The following SMIM31 variants were observed in gnomAD, a reference collection of about 807,000 sequenced individuals.
SMIM31 encodes the protein small integral membrane protein 31.
At position 164,791,996 on chromosome 4, in the gene SMIM31, G is replaced by A. The variant is rs547543429; in HGVS notation, c.113-9095G>A. On this transcript the variant is annotated intron_variant, in intron 2 of 2. Coordinates refer to ENST00000507311, the MANE Select transcript of SMIM31 (RefSeq NM_001352885.1). Reference sequence around the variant, plus strand: ...TATTGTCAGCTGCACAAGATTTTCTGGGCAAGCTGATGCTTTAGATCCTTG... The same window carrying A: ...TATTGTCAGCTGCACAAGATTTTCTAGGCAAGCTGATGCTTTAGATCCTTG... Among the ~76,000 whole-genome samples the A allele has an allele frequency of 2.9e-4, 44 of 152,282 alleles. 1 individual carries two copies. The South Asian group carries it at 8.7e-3, about 30-fold the overall frequency.
At chr4:164,768,426 T>C (rs1357531940) in intron 1 of SMIM31, among the ~76,000 whole-genome samples, 1 of 32,922 alleles carries the variant, frequency 3.0e-5, no homozygotes, top group Non-Finnish European at 8.5e-5. Context: ...ACAGTACATC[T>C]CAAAAAAAAA....
chr4:164,792,830 A>G (rs1733120672), intron 2 of SMIM31, among the ~76,000 whole-genome samples: 1 of 152,002 alleles, frequency 6.6e-6, no homozygotes, highest in Admixed American at 6.6e-5. Flanking sequence ...TTGAAAAATA[A>G]GAGCAAAGTT....
At chr4:164,755,085 C>T (rs988867230) in intron 1 of SMIM31, among the ~76,000 whole-genome samples, 1 of 86,708 alleles carries the variant, frequency 1.2e-5, no homozygotes, top group Non-Finnish European at 2.4e-5. Flanking sequence ...GAAATTATTT[C>T]TTGCTTTCAC....
chr4:164,790,215 TAA>T (rs1017306746), intron 2 of SMIM31, among the ~76,000 whole-genome samples: 1 of 152,090 alleles, frequency 6.6e-6, no homozygotes, highest in African/African-American at 2.4e-5. Flanking sequence ...CTATGATGAC[TAA>T]AACACCTAAA....
At chr4:164,787,903 C>T (rs867753403) in intron 2 of SMIM31, among the ~76,000 whole-genome samples, 15 of 152,202 alleles carry the variant, frequency 9.9e-5, no homozygotes, top group South Asian at 2.1e-4. Flanking sequence ...TGGCAATCTA[C>T]TTATATATAG....
At chr4:164,769,700 C>T (rs750264544) in intron 1 of SMIM31, among the ~76,000 whole-genome samples, 6 of 148,732 alleles carry the variant, frequency 4.0e-5, no homozygotes, top group African/African-American at 2.5e-5. Flanking sequence ...ACATACGTAA[C>T]AAACCTGCAC....
intron 2 of SMIM31, among the ~76,000 whole-genome samples, chr4:164,782,960 A>G (rs79572286): frequency 0.083 from 12,539 of 151,966 alleles, 1,356 homozygotes; most frequent in African/African-American, 0.25. Context: ...TGGCTCACAC[A>G]TGTAATCCCA....
At chr4:164,755,547 AGGGGAGGGGAGGGGAG>A (rs1560821448) in intron 1 of SMIM31, among the ~76,000 whole-genome samples, 2 of 1,826 alleles carry the variant, frequency 1.1e-3, no homozygotes, top group Non-Finnish European at 5.7e-3. Context: ...AGAGGAGGGG[AGGGGAGGGGAGGGGAG>A]GGGAGGGGAG....
chr4:164,776,433 T>A (rs191624035), intron 2 of SMIM31, among the ~76,000 whole-genome samples: 1 of 152,160 alleles, frequency 6.6e-6, no homozygotes, highest in Non-Finnish European at 1.5e-5. Context: ...GATGAAAAAT[T>A]AGCCAATTAC....
At chr4:164,781,694 G>A (rs1732951158) in intron 2 of SMIM31, among the ~76,000 whole-genome samples, 1 of 152,094 alleles carries the variant, frequency 6.6e-6, no homozygotes. Context: ...TCCAGAGACT[G>A]CCAAATGTCC....
At chr4:164,773,902 C>A (rs1368043842) in intron 2 of SMIM31, among the ~76,000 whole-genome samples, 1 of 152,142 alleles carries the variant, frequency 6.6e-6, no homozygotes, top group African/African-American at 2.4e-5. Context: ...TGCGGTGGCT[C>A]ACGCCTGTAA....
At chr4:164,794,027 A>T (rs1023159268) in intron 2 of SMIM31, among the ~76,000 whole-genome samples, 4 of 152,172 alleles carry the variant, frequency 2.6e-5, no homozygotes, top group African/African-American at 9.7e-5. Context: ...TAAATAAATG[A>T]TATAAACTAC....
In SMIM31 at chr4:164,764,331, G is replaced by A. The variant is rs1310162913; in HGVS notation, c.-25-6088G>A. Among the ~76,000 whole-genome samples the A allele has an allele frequency of 2.0e-5, 3 of 152,210 alleles. No individual in the cohort carries two copies. In the East Asian group the frequency reaches 5.8e-4, roughly 29 times the overall value. ...CACCTGTAACCTCAGCACTTTGGGAGGCCGAGGCGGGCAGATCATGAGGTC... is the reference window on the plus strand; with the variant it reads ...CACCTGTAACCTCAGCACTTTGGGAAGCCGAGGCGGGCAGATCATGAGGTC... On this transcript the variant is annotated intron_variant, in intron 1 of 2. Coordinates refer to ENST00000507311, the MANE Select transcript of SMIM31 (RefSeq NM_001352885.1).
intron 2 of SMIM31, among the ~76,000 whole-genome samples, chr4:164,784,222 A>G (rs1433756944): frequency 6.6e-6 from 1 of 152,210 alleles, no homozygotes; most frequent in East Asian, 1.9e-4. Context: ...AAAATATATG[A>G]TTAAGGGGAC....
At chr4:164,784,377 G>A (rs560061281) in intron 2 of SMIM31, among the ~76,000 whole-genome samples, 8 of 152,306 alleles carry the variant, frequency 5.3e-5, no homozygotes, top group South Asian at 4.1e-4. Flanking sequence ...GCTAGACGCC[G>A]TTGGTTCTTG....
At chr4:164,792,643 A>G (rs2110959597) in intron 2 of SMIM31, among the ~76,000 whole-genome samples, 1 of 152,312 alleles carries the variant, frequency 6.6e-6, no homozygotes, top group South Asian at 2.1e-4. Context: ...TCAGCATCTG[A>G]ACTGTGATTA....
chr4:164,759,402 A>C (rs1433635492), intron 1 of SMIM31, among the ~76,000 whole-genome samples: 1 of 152,172 alleles, frequency 6.6e-6, no homozygotes, highest in African/African-American at 2.4e-5. Context: ...ACAATGTATC[A>C]GTTACTTTAT....
chr4:164,765,206 A>C (rs1300291593), intron 1 of SMIM31, among the ~76,000 whole-genome samples: 4 of 152,246 alleles, frequency 2.6e-5, no homozygotes, highest in Non-Finnish European at 4.4e-5. Flanking sequence ...GGATCCATCC[A>C]AAAAGAAAGA....
At chr4:164,799,891 G>A (rs999584635) in intron 2 of SMIM31, among the ~76,000 whole-genome samples, 1 of 152,228 alleles carries the variant, frequency 6.6e-6, no homozygotes, top group African/African-American at 2.4e-5. Flanking sequence ...GGTGCTAATT[G>A]ACATCAGGAC....
Sources: gnomAD v4.1 joint callset for allele counts (sites outside exome capture counted in the v4.1 genomes callset) on GRCh38, gnomAD v4.1.1 for gene constraint, MANE v1.5 for transcripts, NCBI Gene and HGNC (gene_info 2026-07-23, HGNC 2026-07-21) for gene names.